The following TRANK1 variants were observed in gnomAD, a reference collection of about 807,000 sequenced individuals.
The protein encoded by TRANK1 is TPR and ankyrin repeat-containing protein 1.
Under a neutral mutation model 266.0 loss-of-function variants are expected in TRANK1, and 198 were observed. The ratio of observed to expected loss-of-function variants is 0.74; its 90% CI spans 0.66 to 0.84. The LOEUF (loss-of-function observed/expected upper bound fraction) is 0.84. Ranked by LOEUF, TRANK1 falls within the 40% of genes least tolerant of loss-of-function variation. The pLI is 0.00. For missense variants in TRANK1, 3,326 were observed against 3,634.6 expected, an observed-to-expected ratio of 0.92 and a Z score of 2.18; for synonymous variants, 1,396 against 1,384.1, an observed-to-expected ratio of 1.01 and a Z score of -0.19.
At chr3:36,943,691 T>A (rs1575346413) in intron 1 of TRANK1, among the ~76,000 whole-genome samples, 1 of 151,498 alleles carries the variant, frequency 6.6e-6, no homozygotes, top group Non-Finnish European at 1.5e-5. Flanking sequence ...AACAGCCTTA[T>A]ATCAAAAAGG....
chr3:36,945,520 G>A (rs1414517729), upstream of TRANK1, among the ~76,000 whole-genome samples: 1 of 152,344 alleles, frequency 6.6e-6, no homozygotes, highest in East Asian at 1.9e-4. Flanking sequence ...AGGGGGCAGC[G>A]AGACCGCGGG....
intron 9 of TRANK1, among the ~76,000 whole-genome samples, chr3:36,868,800 G>A (rs900621533): frequency 6.6e-6 from 1 of 152,172 alleles, no homozygotes; most frequent in Non-Finnish European, 1.5e-5. Flanking sequence ...CCCTATGCCT[G>A]CATATACTGA....
At chr3:36,866,379 T>C (rs1201758988) in intron 9 of TRANK1, among the ~76,000 whole-genome samples, 1 of 152,224 alleles carries the variant, frequency 6.6e-6, no homozygotes, top group East Asian at 1.9e-4. Flanking sequence ...ATTAAAAGCA[T>C]GCTTCAGTCA....
Position 36,907,886 on chromosome 3 carries a change from ATGT to A in TRANK1, c.155+434_155+436del, listed in dbSNP as rs1414055869. Among the ~76,000 whole-genome samples the A allele has an allele frequency of 3.3e-5, 5 of 152,348 alleles. No individual in the cohort carries two copies. In the East Asian group the frequency reaches 5.8e-4, roughly 18 times the overall value. On this transcript the variant is annotated intron_variant, in intron 2 of 23. Coordinates refer to ENST00000645898, the MANE Select transcript of TRANK1 (RefSeq NM_001329998.2). ...TTAGGGTCCTCAGCAATGTTTAAGC[ATGT>A]TGTGATACTACAATGTTTGAGAACA...
intron 15 of TRANK1, among the ~76,000 whole-genome samples, chr3:36,849,498 C>T (rs1195845534): frequency 6.6e-6 from 1 of 152,142 alleles, no homozygotes; most frequent in Non-Finnish European, 1.5e-5. Flanking sequence ...AGCCCCATAC[C>T]CCTCAACCCA....
At chr3:36,869,930 T>TC (rs1483148749) in intron 9 of TRANK1, among the ~76,000 whole-genome samples, 3 of 152,148 alleles carry the variant, frequency 2.0e-5, no homozygotes, top group African/African-American at 7.2e-5. Context: ...TCTAGAAAGA[T>TC]CCCCCAGCCC....
At chr3:36,880,390 T>C in intron 8 of TRANK1, 1 of 353,020 alleles carries the variant, frequency 2.8e-6, no homozygotes, top group African/African-American at 2.2e-5. Flanking sequence ...CCTCTTGGTT[T>C]CTCAGCAGCA....
At chr3:36,868,753 A>G (rs2079262996) in intron 9 of TRANK1, among the ~76,000 whole-genome samples, 1 of 152,238 alleles carries the variant, frequency 6.6e-6, no homozygotes, top group Non-Finnish European at 1.5e-5. Context: ...GGTTTTATAA[A>G]AAGGAAGAAG....
At chr3:36,897,030 A>T (rs1480187153) in intron 4 of TRANK1, among the ~76,000 whole-genome samples, 2 of 151,970 alleles carry the variant, frequency 1.3e-5, no homozygotes, top group African/African-American at 4.8e-5. Flanking sequence ...AACCGGGGGC[A>T]GTGGCTCAAG....
intron 1 of TRANK1, among the ~76,000 whole-genome samples, chr3:36,942,591 C>T (rs1018611191): frequency 6.6e-6 from 1 of 151,348 alleles, no homozygotes; most frequent in African/African-American, 2.4e-5. Flanking sequence ...TCTCTGTGGA[C>T]ACATAGCCAG....
rs751264459 is a variant in TRANK1, at chr3:36,895,641, T to A, written c.551A>T (p.His184Leu). The A allele has an allele frequency of 6.6e-7, 1 of 1,523,216 alleles. No homozygotes were observed. Among genetic ancestry groups the A allele is most frequent in the Non-Finnish European group, 8.8e-7 (1 of 1,138,022 alleles). 94.4% of individuals were successfully genotyped at this position (1,523,216 alleles called of 1,614,324 possible). A position where few individuals can be genotyped will look rare whatever the true frequency, so the allele number is the denominator to read the frequency against. The change falls in exon 5 of 24, where the codon CAT (histidine) becomes CTT (leucine). Residue 184 changes from histidine (H) to leucine (L), a missense_variant and splice_region_variant. By Grantham distance (99) the His-to-Leu change is moderately conservative. Transcript: ENST00000645898. Reference sequence around the variant, plus strand: ...TGAGAGCCATCTCCTTTTACTTACATGCCATAATCCTTTCTTTGCCAACTT... The same window carrying A: ...TGAGAGCCATCTCCTTTTACTTACAAGCCATAATCCTTTCTTTGCCAACTT... ...IEKLAKKGLW[H>L]SFLLLSAKKD...
intron 17 of TRANK1, among the ~76,000 whole-genome samples, chr3:36,843,973 T>C (rs1327230545): frequency 6.6e-6 from 1 of 152,164 alleles, no homozygotes; most frequent in Non-Finnish European, 1.5e-5. Context: ...ATAGGGCCAG[T>C]GAACTCTGCA....
chr3:36,911,084 G>A lies in TRANK1; in HGVS notation c.24-2630C>T, dbSNP rs781376441. Reference sequence around the variant, plus strand: ...AACTCCATCTGGAAAAAAAAAAATCGTGTTGTAAAAGAACATTTAATGACA... The same window carrying A: ...AACTCCATCTGGAAAAAAAAAAATCATGTTGTAAAAGAACATTTAATGACA... On this transcript the variant is annotated intron_variant, in intron 1 of 23. Coordinates refer to ENST00000645898, the MANE Select transcript of TRANK1 (RefSeq NM_001329998.2). Among the ~76,000 whole-genome samples, 66 of 151,924 alleles carry A rather than the reference G, an allele frequency of 4.3e-4. 1 individual carries two copies. Among genetic ancestry groups the A allele is most frequent in the Admixed American group, 9.2e-4 (14 of 15,266 alleles).
chr3:36,935,445 CTTTT>C (rs11374436), intron 1 of TRANK1, among the ~76,000 whole-genome samples: 10 of 83,696 alleles, frequency 1.2e-4, no homozygotes, highest in African/African-American at 1.9e-4. Context: ...TGCCTGAATT[CTTTT>C]TTTTTTTTTT....
chr3:36,925,683 C>T (rs1185397420), intron 1 of TRANK1, among the ~76,000 whole-genome samples: 1 of 151,536 alleles, frequency 6.6e-6, no homozygotes, highest in Admixed American at 6.6e-5. Context: ...CTCTGCCTCT[C>T]GGGTTCAAGC....
intron 9 of TRANK1, among the ~76,000 whole-genome samples, chr3:36,866,064 G>GAAAGAA (rs2079217451): frequency 2.3e-5 from 3 of 133,320 alleles, no homozygotes; most frequent in African/African-American, 9.8e-5. Flanking sequence ...AAGAAAGAAA[G>GAAAGAA]AAAGAAAGAA....
At position 36,874,305 on chromosome 3, in the gene TRANK1, G is replaced by A; in HGVS notation, c.908-9C>T. ...CACATCCTCTGTTTGTCCTAGGGCA[G>A]GCCAAAATGAGAAGGGGTGTTTGTC... On this transcript the variant is annotated splice_polypyrimidine_tract_variant and intron_variant, in intron 8 of 23. Transcript: ENST00000645898. 6.5e-7 allele frequency: 1 copy of A among 1,534,502 alleles called. No homozygotes were observed. Among genetic ancestry groups the A allele is most frequent in the Non-Finnish European group, 8.7e-7 (1 of 1,145,832 alleles).
At chr3:36,834,711 G>C (rs2078744116) in intron 21 of TRANK1, 51 bp downstream of exon 21, 2 of 1,574,418 alleles carry the variant, frequency 1.3e-6, no homozygotes, top group Non-Finnish European at 1.7e-6. Context: ...GCTGCCCCCA[G>C]AGAGAAGTGG....
chr3:36,844,996 G>GT (rs1427196343), intron 17 of TRANK1, among the ~76,000 whole-genome samples: 1 of 151,742 alleles, frequency 6.6e-6, no homozygotes, highest in African/African-American at 2.4e-5. Flanking sequence ...CTCAGTTATC[G>GT]TATCAGGAGA....
Sources: allele counts gnomAD v4.1 joint callset (sites outside exome capture counted in the v4.1 genomes callset), GRCh38; gene constraint gnomAD v4.1.1; transcripts MANE v1.5; gene names NCBI Gene and HGNC (gene_info 2026-07-23, HGNC 2026-07-21).